Variants in SLC35F6 observed in about 807,000 individuals in gnomAD.
SLC35F6 encodes solute carrier family 35 member F6.
In SLC35F6, 26 loss-of-function variants were observed where a neutral mutation model predicts 29.4. The observed-to-expected ratio is 0.89, with a 90% CI of 0.65 to 1.23. The LOEUF (loss-of-function observed/expected upper bound fraction) is 1.23. Ranked by LOEUF, SLC35F6 falls within the 50% of genes most tolerant of loss-of-function variation. SLC35F6 has a pLI of 0.00. For missense variants in SLC35F6, 428 were observed against 487.8 expected (o/e 0.88, Z 1.15); for synonymous variants, 174 against 206.6 (o/e 0.84, Z 1.35).
chr2:26,778,090 ACAT>A lies in SLC35F6; in HGVS notation c.697_699del (p.Ile233del). On this transcript the variant is annotated inframe_deletion, in exon 6 of 6. Transcript: ENST00000344420. The stretch of plus-strand genomic sequence containing the variant: ...TCCCTGCTGCTGGTGCCCATGTACT[ACAT>A]CCCCGCCGGCTCCTTCAGCGGAAAC... The A allele has an allele frequency of 6.2e-7, 1 of 1,613,974 alleles. No homozygotes were observed. The highest frequency in any genetic ancestry group is 8.5e-7 in the Non-Finnish European group (1 of 1,179,916).
In SLC35F6 at chr2:26,775,409, T is replaced by C; in HGVS notation, c.323-55T>C. 6.3e-7 allele frequency: 1 copy of C among 1,587,464 alleles called. No homozygotes were observed. Among genetic ancestry groups the C allele is most frequent in the Non-Finnish European group, 8.6e-7 (1 of 1,165,832 alleles). On this transcript the variant is annotated intron_variant, in intron 3 of 5. Transcript: ENST00000344420. This position sits in a 1 kb window ranked among gnomAD's most constrained non-coding sequence, Gnocchi z 4.6. ...ATGTCTATCACCAAAGACCCCTTAG[T>C]GACAGATGGCCTTCGCCTTGGGAAG...
intron 1 of SLC35F6, among the ~76,000 whole-genome samples, chr2:26,772,472 G>A (rs981429105): frequency 6.6e-6 from 1 of 152,220 alleles, no homozygotes; most frequent in Admixed American, 6.5e-5. Context: ...CACAGGAAAC[G>A]GCTCTGGGAC....
At chr2:26,768,947 G>GAA (rs903721699) in intron 1 of SLC35F6, among the ~76,000 whole-genome samples, 76 of 152,252 alleles carry the variant, frequency 5.0e-4, no homozygotes, top group African/African-American at 1.8e-3. Flanking sequence ...CCAGCTTAAG[G>GAA]AAAGTTTTCC....
In SLC35F6 at chr2:26,775,181, CTG is replaced by C. The variant is rs1448321152; in HGVS notation, c.291_292del (p.Cys97Ter). 6.2e-7 allele frequency: 1 copy of C among 1,614,074 alleles called. No individual in the cohort carries two copies. Among genetic ancestry groups the C allele is most frequent in the Admixed American group, 1.7e-5 (1 of 60,010 alleles). On this transcript the variant is annotated frameshift_variant, in exon 3 of 6. Coordinates refer to ENST00000344420, the MANE Select transcript of SLC35F6 (RefSeq NM_017877.4). LOFTEE classifies it high-confidence loss of function. This position sits in a 1 kb window ranked among gnomAD's most constrained non-coding sequence, Gnocchi z 4.6. ...CTCTTCTTTTCCTGCCCCCAGCGCT[CTG>C]TGACATGACAGGGACCAGCCTCATG... ...NPLLFLPPALCDMTGTSLMYV... is the reference protein window; with the variant it reads ...NPLLFLPPALXDMTGTSLMYV...
At position 26,775,307 on chromosome 2, in the gene SLC35F6, T is replaced by A; in HGVS notation, c.322+92T>A. On this transcript the variant is annotated intron_variant, in intron 3 of 5. Coordinates refer to ENST00000344420, the MANE Select transcript of SLC35F6 (RefSeq NM_017877.4). This position sits in a 1 kb window ranked among gnomAD's most constrained non-coding sequence, Gnocchi z 4.6. ...CAGCCCTATCCCACCCACCTCCACT[T>A]CATCCCACCATTCCCCCAGACTTCA... The A allele has an allele frequency of 1.8e-5, 28 of 1,537,544 alleles. No individual in the cohort carries two copies. Among genetic ancestry groups the A allele is most frequent in the Non-Finnish European group, 2.5e-5 (28 of 1,138,564 alleles).
Position 26,778,679 on chromosome 2 carries a change from C to T in SLC35F6, c.*168C>T, listed in dbSNP as rs1664352923. On this transcript the variant is annotated 3_prime_UTR_variant, in exon 6 of 6. Coordinates refer to ENST00000344420, the MANE Select transcript of SLC35F6 (RefSeq NM_017877.4). ...CAGAAGATAACAACACCCAAGTCCT[C>T]TTTTTCTCACTACCACCTGCAGGGT... 1 of 651,922 alleles carries T rather than the reference C, an allele frequency of 1.5e-6. No individual in the cohort carries two copies. The highest frequency in any genetic ancestry group is 2.6e-6 in the Non-Finnish European group (1 of 390,166). 40.4% of individuals were successfully genotyped at this position (651,922 alleles called of 1,614,324 possible).
At position 26,769,659 on chromosome 2, in the gene SLC35F6, G is replaced by A. The variant is rs558846542; in HGVS notation, c.78-4592G>A. On this transcript the variant is annotated intron_variant, in intron 1 of 5. Transcript: ENST00000344420. ...TTTCAGCATTTTGGCTCTGTGAACT[G>A]CAGGGACAATAGCCTGAGGTCCCTC... Among the ~76,000 whole-genome samples the A allele has an allele frequency of 1.2e-4, 19 of 152,316 alleles. No homozygotes were observed. The South Asian group carries it at 3.7e-3, about 30-fold the overall frequency.
rs200004019 is a variant in SLC35F6 at position 26,779,515 on chromosome 2, GT to G, written c.*1012del. The G allele has an allele frequency of 6.6e-6, 1 of 152,134 alleles. No homozygotes were observed. The highest frequency in any genetic ancestry group is 2.4e-5 in the African/African-American group (1 of 41,452). 9.4% of individuals were successfully genotyped at this position (152,134 alleles called of 1,614,324 possible). A position where few individuals can be genotyped will look rare whatever the true frequency, so the allele number is the denominator to read the frequency against. ...GCCCACAGCACCACCCTTCTGTGCT[GT>G]TTTTTTTGTTGTTTGTTTGTTTCTT... On this transcript the variant is annotated 3_prime_UTR_variant, in exon 6 of 6. Coordinates refer to ENST00000344420, the MANE Select transcript of SLC35F6 (RefSeq NM_017877.4).
In SLC35F6 at chr2:26,775,195, G is replaced by A. The variant is rs1664275977; in HGVS notation, c.302G>A (p.Gly101Glu). The A allele has an allele frequency of 1.2e-6, 2 of 1,613,786 alleles. No homozygotes were observed. The highest frequency in any genetic ancestry group is 2.7e-5 in the African/African-American group (2 of 74,878). ...FLPPALCDMT[G>E]TSLMYVALNM... ...CCCCCAGCGCTCTGTGACATGACAG[G>A]GACCAGCCTCATGTATGTGGGTGAG... Residue 101 changes from glycine (G) to glutamate (E), a missense_variant, in exon 3 of 6, where the codon GGG (glycine) becomes GAG (glutamate). Physicochemically the swap from Gly to Glu is moderately conservative, Grantham distance 98 (BLOSUM62 -2). Transcript: ENST00000344420. This position sits in a 1 kb window ranked among gnomAD's most constrained non-coding sequence, Gnocchi z 4.6.
chr2:26,772,980 G>A (rs1411368994), intron 1 of SLC35F6, among the ~76,000 whole-genome samples: 1 of 152,194 alleles, frequency 6.6e-6, no homozygotes, highest in East Asian at 1.9e-4. Flanking sequence ...GTCATGCCAT[G>A]AGTGTGATGT....
intron 1 of SLC35F6, among the ~76,000 whole-genome samples, chr2:26,773,062 G>A (rs1387118798): frequency 6.6e-6 from 1 of 152,184 alleles, no homozygotes; most frequent in African/African-American, 2.4e-5. Context: ...AGGTGAGCAG[G>A]TGGTCTGTAT....
At position 26,764,308 on chromosome 2, in the gene SLC35F6, G is replaced by T. The variant is rs1262223653; in HGVS notation, c.-42G>T. On this transcript the variant is annotated 5_prime_UTR_variant, in exon 1 of 6. Transcript: ENST00000344420. ...CGCGCAGGAGACCCCGGGTGACGGG[G>T]CCCGGCGCCGCTAACTGGAGCGAAC... is the stretch of plus-strand genomic sequence containing the variant. The T allele has an allele frequency of 6.5e-6, 10 of 1,546,024 alleles. No homozygotes were observed. Among genetic ancestry groups the T allele is most frequent in the African/African-American group, 2.8e-5 (2 of 72,604 alleles).
chr2:26,766,338 C>T (rs1175805628), intron 1 of SLC35F6, among the ~76,000 whole-genome samples: 1 of 152,234 alleles, frequency 6.6e-6, no homozygotes, highest in African/African-American at 2.4e-5. Flanking sequence ...TGGCTTACGC[C>T]TGTCATCCCA....
In SLC35F6 at chr2:26,778,481, C is replaced by G. The variant is rs775462788; in HGVS notation, c.1086C>G (p.Gly362=). 1 of 1,609,348 alleles carries G rather than the reference C, an allele frequency of 6.2e-7. No homozygotes were observed. The highest frequency in any genetic ancestry group is 1.3e-5 in the African/African-American group (1 of 74,790). ...GCGAGCAGGAGAGACTGCTGGGTGG[C>G]ACCCGCACTCCCATCAATGATGCCA... is the stretch of plus-strand genomic sequence containing the variant. The part of the protein sequence containing the change: ...EESEQERLLG[G]TRTPINDAS The change falls in exon 6 of 6, where the codon GGC becomes GGG. Residue 362 remains glycine (G), a synonymous_variant. Coordinates refer to ENST00000344420, the MANE Select transcript of SLC35F6 (RefSeq NM_017877.4).
In SLC35F6 at chr2:26,775,609, G is replaced by A. The variant is rs769416040; in HGVS notation, c.468G>A (p.Val156=). ...LGILATIAGL[V]VVGLADLLSK... ...TCCTAGCCACCATCGCGGGGCTGGTGGTCGTGGGCCTGGCTGACCTCCTGA... is the reference window on the plus strand; with the variant it reads ...TCCTAGCCACCATCGCGGGGCTGGTAGTCGTGGGCCTGGCTGACCTCCTGA... The change falls in exon 4 of 6, where the codon GTG becomes GTA. Residue 156 remains valine, a synonymous_variant. Coordinates refer to ENST00000344420, the MANE Select transcript of SLC35F6 (RefSeq NM_017877.4). The surrounding 1 kb of genome is among the most constrained non-coding windows in gnomAD (Gnocchi z 4.6). 6.2e-7 allele frequency: 1 copy of A among 1,606,260 alleles called. No homozygotes were observed. Among genetic ancestry groups the A allele is most frequent in the Non-Finnish European group, 8.5e-7 (1 of 1,178,716 alleles).
Position 26,775,269 on chromosome 2 carries a change from G to GCTA in SLC35F6, c.322+57_322+59dup. The GCTA allele has an allele frequency of 6.3e-7, 1 of 1,578,860 alleles. No homozygotes were observed. The highest frequency in any genetic ancestry group is 1.2e-5 in the South Asian group (1 of 85,644). ...CTCAGGGGAAGCTGTGGCTGAAGGG[G>GCTA]CTACTGGTGAAACAGCCCTATCCCA... On this transcript the variant is annotated intron_variant, in intron 3 of 5. Coordinates refer to ENST00000344420, the MANE Select transcript of SLC35F6 (RefSeq NM_017877.4). The surrounding 1 kb of genome is among the most constrained non-coding windows in gnomAD (Gnocchi z 4.6).
chr2:26,775,502 C>A lies in SLC35F6; in HGVS notation c.361C>A (p.Arg121=). The A allele has an allele frequency of 6.2e-7, 1 of 1,612,380 alleles. No homozygotes were observed. The highest frequency in any genetic ancestry group is 1.1e-5 in the South Asian group (1 of 91,012). Residue 121 remains arginine (R), a synonymous_variant, in exon 4 of 6, where the codon CGG becomes AGG. Coordinates refer to ENST00000344420, the MANE Select transcript of SLC35F6 (RefSeq NM_017877.4). This position sits in a 1 kb window ranked among gnomAD's most constrained non-coding sequence, Gnocchi z 4.6. ...MTSASSFQML[R]GAVIIFTGLF... is the part of the protein sequence containing the mutation. Reference sequence around the variant, plus strand: ...CAGTGCCTCCAGCTTCCAGATGCTGCGGGGTGCAGTGATCATATTCACTGG... The same window carrying A: ...CAGTGCCTCCAGCTTCCAGATGCTGAGGGGTGCAGTGATCATATTCACTGG...
At chr2:26,774,408 G>T (rs1664260116) in intron 2 of SLC35F6, 85 bp downstream of exon 2, 2 of 1,479,348 alleles carry the variant, frequency 1.4e-6, no homozygotes, top group Admixed American at 3.6e-5. Flanking sequence ...GCTGTTTCCT[G>T]ACTTAGGAGT....
At chr2:26,771,099 C>T (rs180751767) in intron 1 of SLC35F6, among the ~76,000 whole-genome samples, 20 of 152,334 alleles carry the variant, frequency 1.3e-4, no homozygotes, top group African/African-American at 4.6e-4. Context: ...CAGACCTACC[C>T]GTGGAGAAAG....
Sources: gnomAD v4.1 joint callset for allele counts (sites outside exome capture counted in the v4.1 genomes callset) on GRCh38, gnomAD v4.1.1 for gene constraint, Gnocchi (gnomAD v3.1) non-coding constraint, MANE v1.5 for transcripts, NCBI Gene and HGNC (gene_info 2026-07-23, HGNC 2026-07-21) for gene names.